Variants in SDC2 observed in about 807,000 individuals in gnomAD.
SDC2 encodes syndecan-2.
SDC2 carries 13 observed loss-of-function variants against 22.2 expected under a neutral mutation model. The ratio of observed to expected loss-of-function variants is 0.59; its 90% CI spans 0.38 to 0.93. The LOEUF (loss-of-function observed/expected upper bound fraction) is 0.93. SDC2 is among the 40% of genes least tolerant of loss of function. The probability of loss-of-function intolerance (pLI) is 0.00; values close to 1 mark genes in which losing one functional copy is unlikely to be tolerated. For synonymous variants in SDC2, 94 were observed against 92.8 expected (o/e 1.01, Z -0.07); for missense variants, 235 against 246.8 (o/e 0.95, Z 0.32).
chr8:96,540,639 A>G (rs1319968724), intron 1 of SDC2, among the ~76,000 whole-genome samples: 2 of 152,060 alleles, frequency 1.3e-5, no homozygotes, highest in East Asian at 1.9e-4. Flanking sequence ...CCTTTCCCCC[A>G]ACACTCCTTT....
At chr8:96,587,415 AG>A (rs1814705284) in intron 1 of SDC2, among the ~76,000 whole-genome samples, 1 of 152,222 alleles carries the variant, frequency 6.6e-6, no homozygotes, top group Non-Finnish European at 1.5e-5. Flanking sequence ...GTGCTAGTAA[AG>A]ACAACAGTAT....
At chr8:96,498,543 ACCACCTCACTGCAG>A in intron 1 of SDC2, among the ~76,000 whole-genome samples, 1 of 150,644 alleles carries the variant, frequency 6.6e-6, no homozygotes, top group South Asian at 2.1e-4. Flanking sequence ...CTCTGCAACC[ACCACCTCACTGCAG>A]CCACCTCACT....
At chr8:96,565,193 C>A (rs1335476531) in intron 1 of SDC2, among the ~76,000 whole-genome samples, 1 of 149,362 alleles carries the variant, frequency 6.7e-6, no homozygotes, top group Non-Finnish European at 1.5e-5. Flanking sequence ...CAAGCAATTC[C>A]CCTGCCTCAG....
At chr8:96,519,894 C>A (rs1262147389) in intron 1 of SDC2, among the ~76,000 whole-genome samples, 6 of 152,152 alleles carry the variant, frequency 3.9e-5, no homozygotes. Flanking sequence ...TCCCAAAGTG[C>A]TGGGATTACA....
Position 96,499,157 on chromosome 8 carries a change from A to G in SDC2, c.60+4826A>G, listed in dbSNP as rs553970471. 7.9e-5 allele frequency among the ~76,000 whole-genome samples: 12 copies of G among 152,310 alleles called. No individual in the cohort carries two copies. The South Asian group carries it at 1.0e-3, about 13-fold the overall frequency. On this transcript the variant is annotated intron_variant, in intron 1 of 4. Coordinates refer to ENST00000302190, the MANE Select transcript of SDC2 (RefSeq NM_002998.4). ...TCATGAACACTCCCTGGACATTGCT[A>G]CTTTTTCAGTGTTTCTCCTTTTAAA...
intron 1 of SDC2, among the ~76,000 whole-genome samples, chr8:96,581,503 A>G (rs536212110): frequency 8.5e-5 from 13 of 152,284 alleles, no homozygotes; most frequent in African/African-American, 2.9e-4. Context: ...AGAGTTGCAC[A>G]TGCCTGTAAT....
intron 1 of SDC2, among the ~76,000 whole-genome samples, chr8:96,585,727 GA>G (rs763572208): frequency 2.6e-5 from 4 of 152,068 alleles, no homozygotes; most frequent in Non-Finnish European, 5.9e-5. Context: ...ACTGTAGGAA[GA>G]AAAATTGTTT....
At chr8:96,494,378 A>G (rs772507955) in intron 1 of SDC2, 47 bp downstream of exon 1, 38 of 1,525,264 alleles carry the variant, frequency 2.5e-5, no homozygotes, top group Admixed American at 6.0e-5. Flanking sequence ...GGGTGTTTGA[A>G]GCTACGAGAG....
intron 1 of SDC2, among the ~76,000 whole-genome samples, chr8:96,524,177 A>C (rs1381689913): frequency 6.6e-6 from 1 of 152,234 alleles, no homozygotes. Flanking sequence ...CACGGTGCTG[A>C]CTTTTCCTGG....
At chr8:96,529,039 C>T (rs72680146) in intron 1 of SDC2, among the ~76,000 whole-genome samples, 37,580 of 152,222 alleles carry the variant, frequency 0.25, 5,600 homozygotes, top group Non-Finnish European at 0.34. Context: ...TGATGCCCCT[C>T]GGCCCTAAAG....
intron 1 of SDC2, among the ~76,000 whole-genome samples, chr8:96,501,009 A>G (rs1036223594): frequency 6.6e-6 from 1 of 152,164 alleles, no homozygotes; most frequent in Non-Finnish European, 1.5e-5. Flanking sequence ...ATAGTCTTGG[A>G]AAAATGGAAA....
chr8:96,602,605 C>T (rs1278546367), intron 3 of SDC2, 77 bp downstream of exon 3: 6 of 1,430,588 alleles, frequency 4.2e-6, no homozygotes, highest in African/African-American at 1.4e-5. Context: ...CACAACAGTC[C>T]CTTTTGTATT....
At chr8:96,498,786 G>A (rs1813114989) in intron 1 of SDC2, among the ~76,000 whole-genome samples, 2 of 152,194 alleles carry the variant, frequency 1.3e-5, no homozygotes, top group Admixed American at 6.5e-5. Flanking sequence ...CACTATGCCT[G>A]GCCATTGGTC....
intron 1 of SDC2, among the ~76,000 whole-genome samples, chr8:96,558,005 G>A (rs1356602289): frequency 6.6e-6 from 1 of 152,000 alleles, no homozygotes; most frequent in African/African-American, 2.4e-5. Context: ...TACATTTAGG[G>A]TACTTTGTAA....
intron 1 of SDC2, among the ~76,000 whole-genome samples, chr8:96,495,057 G>T (rs1386207544): frequency 1.3e-5 from 2 of 152,200 alleles, no homozygotes; most frequent in African/African-American, 2.4e-5. Context: ...AGGGGTGGAG[G>T]TTGCACCGCG....
At chr8:96,580,123 G>T (rs1389795564) in intron 1 of SDC2, among the ~76,000 whole-genome samples, 1 of 152,218 alleles carries the variant, frequency 6.6e-6, no homozygotes, top group Non-Finnish European at 1.5e-5. Flanking sequence ...GCGCTGCAAT[G>T]TGACCACTTG....
intron 3 of SDC2, among the ~76,000 whole-genome samples, chr8:96,605,766 A>G (rs1815068146): frequency 6.6e-6 from 1 of 152,320 alleles, no homozygotes; most frequent in African/African-American, 2.4e-5. Flanking sequence ...CGTTCTGCTC[A>G]CTGAGACAGG....
chr8:96,540,733 C>T (rs941301871), intron 1 of SDC2, among the ~76,000 whole-genome samples: 4 of 152,180 alleles, frequency 2.6e-5, no homozygotes, highest in East Asian at 1.9e-4. Context: ...TTTCTTTTTC[C>T]GGTTGAAGAG....
Position 96,493,992 on chromosome 8 carries a change from G to C in SDC2, c.-280G>C. The C allele has an allele frequency of 1.9e-6, 1 of 514,666 alleles. No homozygotes were observed. The highest frequency in any genetic ancestry group is 3.6e-5 in the East Asian group (1 of 27,660). 31.9% of individuals were successfully genotyped at this position (514,666 alleles called of 1,614,324 possible). A position where few individuals can be genotyped will look rare whatever the true frequency, so the allele number is the denominator to read the frequency against. On this transcript the variant is annotated 5_prime_UTR_variant, in exon 1 of 5. Transcript: ENST00000302190. Reference sequence around the variant, plus strand: ...ACAGCAGAGCAAGAAGAGCTTCAGAGAGCAGCCTTCCCGGAGCACCAACTC... The same window carrying C: ...ACAGCAGAGCAAGAAGAGCTTCAGACAGCAGCCTTCCCGGAGCACCAACTC...
Sources: gnomAD v4.1 joint callset for allele counts (sites outside exome capture counted in the v4.1 genomes callset) on GRCh38, gnomAD v4.1.1 for gene constraint, MANE v1.5 for transcripts, NCBI Gene and HGNC (gene_info 2026-07-23, HGNC 2026-07-21) for gene names.